The following IKBIP variants were observed in gnomAD, a reference collection of about 807,000 sequenced individuals.
IKBIP encodes IKBKB interacting protein.
A neutral mutation model predicts 31.0 loss-of-function variants in IKBIP; 28 were observed. The observed-to-expected ratio is 0.90, with a 90% CI of 0.67 to 1.24. The LOEUF (loss-of-function observed/expected upper bound fraction) is 1.24. Ranked by LOEUF, IKBIP falls within the 50% of genes most tolerant of loss-of-function variation. The pLI is 0.00. For missense variants in IKBIP, 453 were observed against 441.9 expected (o/e 1.03, Z -0.23); for synonymous variants, 164 against 160.3 (o/e 1.02, Z -0.17).
Position 98,624,828 on chromosome 12 carries a change from A to T in IKBIP, c.*1102T>A. The T allele has an allele frequency of 6.7e-6, 5 of 741,702 alleles. No homozygotes were observed. The highest frequency in any genetic ancestry group is 8.2e-6 in the Non-Finnish European group (5 of 607,698). The allele number at this position is 741,702 out of a possible 1,614,324, so 45.9% of individuals were successfully genotyped here. A position where few individuals can be genotyped will look rare whatever the true frequency, so the allele number is the denominator to read the frequency against. ...TATTTATTTATTTATTTATTGAGAC[A>T]GAGTCTCACTTTGCCACTCAGGCTG... On this transcript the variant is annotated 3_prime_UTR_variant, in exon 3 of 3. Transcript: ENST00000299157.
chr12:98,617,215 TA>T (rs2097606760), intron 2 of IKBIP, among the ~76,000 whole-genome samples: 1 of 152,198 alleles, frequency 6.6e-6, no homozygotes, highest in Non-Finnish European at 1.5e-5. Flanking sequence ...AGAAGACAGA[TA>T]AGTAAAAGAA....
intron 2 of IKBIP, among the ~76,000 whole-genome samples, chr12:98,627,346 A>G (rs2097615506): frequency 6.6e-6 from 1 of 151,980 alleles, no homozygotes; most frequent in Non-Finnish European, 1.5e-5. Flanking sequence ...GGAAGCATAT[A>G]CAAGAGAAAA....
chr12:98,623,269 C>T (rs1020916691), downstream of IKBIP, among the ~76,000 whole-genome samples: 78 of 150,806 alleles, frequency 5.2e-4, 4 homozygotes, highest in African/African-American at 1.8e-3. Flanking sequence ...TGAGCCACTG[C>T]GCCCAGCTGA....
chr12:98,621,656 A>T (rs1460387738), downstream of IKBIP, among the ~76,000 whole-genome samples: 1 of 152,230 alleles, frequency 6.6e-6, no homozygotes, highest in Non-Finnish European at 1.5e-5. Flanking sequence ...TGACTGCAAG[A>T]TTCCCAATGT....
downstream of IKBIP, among the ~76,000 whole-genome samples, chr12:98,622,985 T>C (rs552972019): frequency 4.0e-5 from 6 of 150,882 alleles, 1 homozygote; most frequent in African/African-American, 1.5e-4. Context: ...TCCAGTACTT[T>C]TACTTTTTTT....
At chr12:98,641,609 C>T (rs1316502212) in intron 1 of IKBIP, among the ~76,000 whole-genome samples, 1 of 152,080 alleles carries the variant, frequency 6.6e-6, no homozygotes, top group Non-Finnish European at 1.5e-5. Context: ...AACTAAGAGG[C>T]AACTATTTAA....
downstream of IKBIP, among the ~76,000 whole-genome samples, chr12:98,623,537 G>T (rs1020771668): frequency 6.9e-6 from 1 of 145,650 alleles, no homozygotes; most frequent in African/African-American, 2.6e-5. Flanking sequence ...GAGCCATTGT[G>T]CCTGGCCTTA....
At chr12:98,634,474 AAGG>A in intron 1 of IKBIP, 61 bp from the exon 2 acceptor site, 1 of 849,236 alleles carries the variant, frequency 1.2e-6, no homozygotes, top group Non-Finnish European at 2.0e-6. Context: ...CCGAATTTCA[AAGG>A]AGAATTATAC....
intron 1 of IKBIP, among the ~76,000 whole-genome samples, chr12:98,637,394 A>T (rs994282355): frequency 1.1e-4 from 16 of 151,638 alleles, no homozygotes; most frequent in Admixed American, 2.0e-4. Flanking sequence ...ACATTAAAGA[A>T]GATGATTGAT....
In IKBIP at chr12:98,625,082, G is replaced by A. The variant is rs2153296401; in HGVS notation, c.*848C>T. ...GCCTCCCAAAGTGCTAGGATTACAGGTGTGAGCCACTGCGCCTGGCCTATT... is the reference window on the plus strand; with the variant it reads ...GCCTCCCAAAGTGCTAGGATTACAGATGTGAGCCACTGCGCCTGGCCTATT... On this transcript the variant is annotated 3_prime_UTR_variant, in exon 3 of 3. Transcript: ENST00000299157. The A allele has an allele frequency of 1.0e-6, 1 of 959,976 alleles. No homozygotes were observed. 59.5% of individuals were successfully genotyped at this position (959,976 alleles called of 1,614,324 possible).
rs779332449 is a variant in IKBIP, at chr12:98,625,335, A to G, written c.*595T>C. On this transcript the variant is annotated 3_prime_UTR_variant, in exon 3 of 3. Coordinates refer to ENST00000299157, the MANE Select transcript of IKBIP (RefSeq NM_153687.4). The stretch of plus-strand genomic sequence containing the variant: ...ATGTTTCCCAGGCTTTAGAGTTTTC[A>G]GAAAGTGCATATTAATTCATAGCAA... The G allele has an allele frequency of 2.4e-4, 233 of 976,436 alleles. 1 individual carries two copies. The highest frequency in any genetic ancestry group is 2.8e-4 in the Non-Finnish European group (228 of 821,876). 60.5% of individuals were successfully genotyped at this position (976,436 alleles called of 1,614,324 possible). A position where few individuals can be genotyped will look rare whatever the true frequency, so the allele number is the denominator to read the frequency against.
chr12:98,616,068 C>T (rs1000872158), intron 2 of IKBIP, among the ~76,000 whole-genome samples: 8 of 151,008 alleles, frequency 5.3e-5, no homozygotes, highest in African/African-American at 1.7e-4. Context: ...TTTTGAGGAA[C>T]CTCCACACTG....
At position 98,641,475 on chromosome 12, in the gene IKBIP, TG is replaced by T. The variant is rs753990730; in HGVS notation, c.179+3047del. On this transcript the variant is annotated intron_variant, in intron 1 of 2. Transcript: ENST00000299157. ...AAATACTTGCTTTTTATCTGGAAAA[TG>T]TTTACAAATGTCTTATGGGGATATA... is the stretch of plus-strand genomic sequence containing the variant. 2.1e-3 allele frequency among the ~76,000 whole-genome samples: 319 copies of T among 152,356 alleles called. 1 individual carries two copies. Among genetic ancestry groups the T allele is most frequent in the Non-Finnish European group, 3.2e-3 (217 of 68,030 alleles).
At chr12:98,632,500 AAAAAAAAAAAAAATAT>A (rs1375332472) in intron 2 of IKBIP, among the ~76,000 whole-genome samples, 1 of 62,872 alleles carries the variant, frequency 1.6e-5, no homozygotes, top group African/African-American at 6.7e-5. Context: ...AAAAAAAAAA[AAAAAAAAAAAAAATAT>A]ATATATATAT....
At position 98,625,093 on chromosome 12, in the gene IKBIP, T is replaced by C. The variant is rs1030032221; in HGVS notation, c.*837A>G. 9.2e-6 allele frequency: 9 copies of C among 981,556 alleles called. No homozygotes were observed. Among genetic ancestry groups the C allele is most frequent in the Non-Finnish European group, 1.1e-5 (9 of 826,556 alleles). 60.8% of individuals were successfully genotyped at this position (981,556 alleles called of 1,614,324 possible). A position where few individuals can be genotyped will look rare whatever the true frequency, so the allele number is the denominator to read the frequency against. On this transcript the variant is annotated 3_prime_UTR_variant, in exon 3 of 3. Transcript: ENST00000299157. The stretch of plus-strand genomic sequence containing the variant: ...TGCTAGGATTACAGGTGTGAGCCAC[T>C]GCGCCTGGCCTATTTAAGTAAACCA...
rs1262637985 is a variant in IKBIP at position 98,626,096 on chromosome 12, T to G, written c.968A>C (p.Lys323Thr). The stretch of plus-strand genomic sequence containing the variant: ...ATCATACTGAATTCCTTCAAGGGTT[T>G]TCTGCATCTCCATTATTTCAGACAC... ...KAVSEIMEMQ[K>T]TLEGIQYDNS... Residue 323 changes from lysine (K) to threonine (T), a missense_variant, in exon 3 of 3, where the codon AAA (lysine) becomes ACA (threonine). Lys to Thr is a moderately conservative substitution (Grantham distance 78, BLOSUM62 -1). Transcript: ENST00000299157. 1.2e-6 allele frequency: 2 copies of G among 1,602,302 alleles called. No homozygotes were observed. The highest frequency in any genetic ancestry group is 1.7e-6 in the Non-Finnish European group (2 of 1,173,320).
Position 98,624,689 on chromosome 12 carries a change from G to T in IKBIP, c.*1241C>A. ...AATCAATTCATAAAACAAATTTAGT[G>T]GTGTGGTTTGGGAAATCTTTAAAAT... On this transcript the variant is annotated 3_prime_UTR_variant, in exon 3 of 3. Transcript: ENST00000299157. 1 of 878,366 alleles carries T rather than the reference G, an allele frequency of 1.1e-6. No individual in the cohort carries two copies. The highest frequency in any genetic ancestry group is 1.4e-6 in the Non-Finnish European group (1 of 732,568). The allele number at this position is 878,366 out of a possible 1,614,324, so 54.4% of individuals were successfully genotyped here.
At chr12:98,632,620 ATTTTTTTTT>A (rs35887973) in intron 2 of IKBIP, among the ~76,000 whole-genome samples, 1 of 90,852 alleles carries the variant, frequency 1.1e-5, no homozygotes, top group East Asian at 3.5e-4. Flanking sequence ...CCAGATTCCA[ATTTTTTTTT>A]TTTTTTTTTT....
At chr12:98,629,945 A>G (rs967576566) in intron 2 of IKBIP, among the ~76,000 whole-genome samples, 1 of 152,030 alleles carries the variant, frequency 6.6e-6, no homozygotes, top group African/African-American at 2.4e-5. Flanking sequence ...TACTAAAAAA[A>G]TTTTTTTTGT....
Sources: allele counts gnomAD v4.1 joint callset (sites outside exome capture counted in the v4.1 genomes callset), GRCh38; gene constraint gnomAD v4.1.1; transcripts MANE v1.5; gene names NCBI Gene and HGNC (gene_info 2026-07-23, HGNC 2026-07-21).